The following ATG5 variants were observed in gnomAD, a reference collection of about 807,000 sequenced individuals.
The protein encoded by ATG5 is autophagy protein 5.
A neutral mutation model predicts 36.5 loss-of-function variants in ATG5; 14 were observed. The observed-to-expected ratio is 0.38, with a 90% CI of 0.25 to 0.60. The LOEUF is 0.60. Ranked by LOEUF, ATG5 falls within the 20% of genes least tolerant of loss-of-function variation. The pLI, the probability that ATG5 is intolerant of heterozygous loss-of-function variation, is 0.60. For missense variants in ATG5, 195 were observed against 326.7 expected, an observed-to-expected ratio of 0.60 and a Z score of 3.11; for synonymous variants, 95 against 101.5, an observed-to-expected ratio of 0.94 and a Z score of 0.38.
chr6:106,302,400 C>T (rs561390311), intron 3 of ATG5, among the ~76,000 whole-genome samples: 35 of 151,942 alleles, frequency 2.3e-4, no homozygotes, highest in Non-Finnish European at 3.8e-4. Context: ...GATGGTAAGT[C>T]AGAATAGGGT....
intron 5 of ATG5, among the ~76,000 whole-genome samples, chr6:106,249,458 C>T (rs1769974): frequency 0.086 from 13,026 of 152,058 alleles, 588 homozygotes; most frequent in South Asian, 0.13. Flanking sequence ...GAATAATATT[C>T]CATTATGTGG....
chr6:106,283,388 A>C (rs1779951865), intron 4 of ATG5: 1 of 151,792 alleles, frequency 6.6e-6, no homozygotes. Flanking sequence ...TTATTTCTTA[A>C]ATATTTTATT....
At chr6:106,201,130 T>C (rs1776412194) in intron 7 of ATG5, among the ~76,000 whole-genome samples, 1 of 152,246 alleles carries the variant, frequency 6.6e-6, no homozygotes, top group Non-Finnish European at 1.5e-5. Flanking sequence ...AAAAAAAGTC[T>C]GTTTATCTTC....
At chr6:106,221,191 T>C (rs1450506925) in intron 6 of ATG5, among the ~76,000 whole-genome samples, 1 of 152,212 alleles carries the variant, frequency 6.6e-6, no homozygotes, top group African/African-American at 2.4e-5. Flanking sequence ...AATTCTAACA[T>C]CAACTGTAAT....
chr6:106,309,479 G>T (rs1430476796), intron 2 of ATG5, among the ~76,000 whole-genome samples: 1 of 151,946 alleles, frequency 6.6e-6, no homozygotes, highest in Non-Finnish European at 1.5e-5. Flanking sequence ...TGGAATACAA[G>T]GAACTAAATA....
At chr6:106,218,215 C>T (rs1003605171) in intron 6 of ATG5, among the ~76,000 whole-genome samples, 21 of 152,080 alleles carry the variant, frequency 1.4e-4, no homozygotes, top group African/African-American at 5.1e-4. Flanking sequence ...AGAACCAGGT[C>T]TTAAAAGATG....
intron 6 of ATG5, among the ~76,000 whole-genome samples, chr6:106,208,742 A>G (rs964365993): frequency 6.6e-6 from 1 of 152,228 alleles, no homozygotes; most frequent in Non-Finnish European, 1.5e-5. Context: ...CATAAGCCGC[A>G]GGCTGGGAGA....
intron 6 of ATG5, among the ~76,000 whole-genome samples, chr6:106,237,470 T>C (rs1777948275): frequency 6.6e-6 from 1 of 152,324 alleles, no homozygotes; most frequent in Non-Finnish European, 1.5e-5. Context: ...CCTTGTTCCA[T>C]TGCTTACCGG....
chr6:106,209,548 G>A (rs571408160), intron 6 of ATG5, among the ~76,000 whole-genome samples: 8 of 152,280 alleles, frequency 5.3e-5, no homozygotes, highest in Admixed American at 2.0e-4. Flanking sequence ...TAAGGTAGGT[G>A]GCTGTGGCTA....
intron 4 of ATG5, among the ~76,000 whole-genome samples, chr6:106,280,837 A>C (rs2114603876): frequency 6.6e-6 from 1 of 152,288 alleles, no homozygotes; most frequent in Non-Finnish European, 1.5e-5. Context: ...GCTAGGATTT[A>C]AGGCTAATTT....
At chr6:106,230,668 G>T (rs778353408) in intron 6 of ATG5, among the ~76,000 whole-genome samples, 1 of 152,028 alleles carries the variant, frequency 6.6e-6, no homozygotes, top group African/African-American at 2.4e-5. Flanking sequence ...GATAGGAAAC[G>T]TTCCCCTCAA....
chr6:106,224,139 C>G lies in ATG5; in HGVS notation c.574-22050G>C, dbSNP rs558030418. The stretch of plus-strand genomic sequence containing the variant: ...AAGCACTCTGGGAGCCAAGGCTATT[C>G]CCAGGAGTTAACAGAGTCAGATAAT... On this transcript the variant is annotated intron_variant, in intron 6 of 7. Transcript: ENST00000369076. Among the ~76,000 whole-genome samples, 17 of 152,304 alleles carry G rather than the reference C, an allele frequency of 1.1e-4. No individual in the cohort carries two copies. In the South Asian group the frequency reaches 2.7e-3, roughly 24 times the overall value.
intron 2 of ATG5, among the ~76,000 whole-genome samples, chr6:106,311,073 C>A (rs1311854163): frequency 6.6e-6 from 1 of 152,074 alleles, no homozygotes; most frequent in African/African-American, 2.4e-5. Flanking sequence ...AATTTTAATT[C>A]TTTATGCCAA....
chr6:106,312,462 G>A (rs560544993), intron 2 of ATG5, among the ~76,000 whole-genome samples: 2 of 151,888 alleles, frequency 1.3e-5, no homozygotes, highest in East Asian at 3.9e-4. Flanking sequence ...GAGCTCTGGA[G>A]AAAAATATTG....
chr6:106,257,447 G>A (rs1217630652), intron 5 of ATG5, among the ~76,000 whole-genome samples: 1 of 152,144 alleles, frequency 6.6e-6, no homozygotes, highest in Admixed American at 6.6e-5. Flanking sequence ...GATGGTACAA[G>A]GGCTATCAGG....
chr6:106,251,713 AAG>A (rs1321500041), intron 5 of ATG5, among the ~76,000 whole-genome samples: 1 of 136,506 alleles, frequency 7.3e-6, no homozygotes, highest in Admixed American at 7.7e-5. Context: ...GAGAAAAAGA[AAG>A]AAAGAAAGAG....
chr6:106,257,927 C>T (rs1778861569), intron 5 of ATG5, among the ~76,000 whole-genome samples: 1 of 152,068 alleles, frequency 6.6e-6, no homozygotes, highest in Non-Finnish European at 1.5e-5. Flanking sequence ...AAACCCCTTG[C>T]TCCCATTATG....
intron 4 of ATG5, among the ~76,000 whole-genome samples, chr6:106,282,337 T>C (rs529214163): frequency 1.3e-5 from 2 of 152,354 alleles, no homozygotes; most frequent in Admixed American, 1.3e-4. Flanking sequence ...TTTATTGTAG[T>C]ATTTATGCAT....
At chr6:106,216,714 T>C (rs1777052422) in intron 6 of ATG5, among the ~76,000 whole-genome samples, 2 of 152,104 alleles carry the variant, frequency 1.3e-5, no homozygotes, top group South Asian at 4.1e-4. Flanking sequence ...AACCAATGAA[T>C]AGCATGCTTT....
Sources: allele counts gnomAD v4.1 joint callset (sites outside exome capture counted in the v4.1 genomes callset), GRCh38; gene constraint gnomAD v4.1.1; transcripts MANE v1.5; gene names NCBI Gene and HGNC (gene_info 2026-07-23, HGNC 2026-07-21).